MAP3K13: variants seen among roughly 807,000 people sequenced by gnomAD.
MAP3K13 encodes the protein mitogen-activated protein kinase kinase kinase 13.
In MAP3K13, 52 loss-of-function variants were observed where a neutral mutation model predicts 104.0. The observed-to-expected ratio is 0.50, with a 90% CI of 0.40 to 0.63. The LOEUF (loss-of-function observed/expected upper bound fraction) is 0.63, where lower values mean the gene tolerates loss of function less well. MAP3K13 is among the 20% of genes least tolerant of loss of function. MAP3K13 has a pLI of 0.00. For missense variants in MAP3K13, 914 were observed against 1,218.5 expected (o/e 0.75, Z 3.72); for synonymous variants, 394 against 442.2 (o/e 0.89, Z 1.37).
chr3:185,319,083 A>G (rs1721772282), intron 2 of MAP3K13, among the ~76,000 whole-genome samples: 1 of 152,210 alleles, frequency 6.6e-6, no homozygotes, highest in Non-Finnish European at 1.5e-5. Flanking sequence ...CTTTATAAAA[A>G]TGAAATCCTA....
chr3:185,406,247 A>G (rs1267730278), intron 1 of MAP3K13, among the ~76,000 whole-genome samples: 1 of 152,202 alleles, frequency 6.6e-6, no homozygotes, highest in African/African-American at 2.4e-5. Context: ...CTAGCCGGCA[A>G]TTTAGTTCCC....
chr3:185,412,062 G>A (rs1347275574), intron 1 of MAP3K13, among the ~76,000 whole-genome samples: 1 of 152,176 alleles, frequency 6.6e-6, no homozygotes, highest in African/African-American at 2.4e-5. Context: ...GGGACTACAG[G>A]TGTGAGCCAC....
intron 10 of MAP3K13, among the ~76,000 whole-genome samples, chr3:185,470,270 T>C (rs886422309): frequency 1.3e-5 from 2 of 152,216 alleles, no homozygotes; most frequent in Non-Finnish European, 2.9e-5. Context: ...AAGAAAGCAG[T>C]GGTTCTTCCT....
chr3:185,438,821 G>A lies in MAP3K13; in HGVS notation c.659+1191G>A, dbSNP rs114806386. Reference sequence around the variant, plus strand: ...TTTAGAGGAAAGAAGGTGAAGAACAGGACAAGTATCTTTAGGTAGGATGAA... The same window carrying A: ...TTTAGAGGAAAGAAGGTGAAGAACAAGACAAGTATCTTTAGGTAGGATGAA... On this transcript the variant is annotated intron_variant, in intron 3 of 13. Coordinates refer to ENST00000265026, the MANE Select transcript of MAP3K13 (RefSeq NM_004721.5). Among the ~76,000 whole-genome samples, 1,177 of 152,282 alleles carry A rather than the reference G, an allele frequency of 7.7e-3. 10 individuals are homozygous for A. The highest frequency in any genetic ancestry group is 0.014 in the Middle Eastern group (4 of 294).
At chr3:185,302,740 T>C (rs998282131) in intron 2 of MAP3K13, among the ~76,000 whole-genome samples, 16 of 152,222 alleles carry the variant, frequency 1.1e-4, no homozygotes, top group Non-Finnish European at 2.2e-4. Flanking sequence ...TTTTGTGGAA[T>C]CTTTTGGTTT....
chr3:185,299,553 C>CTTTTTT (rs1195743775), intron 2 of MAP3K13, among the ~76,000 whole-genome samples: 5 of 7,092 alleles, frequency 7.1e-4, no homozygotes, highest in Non-Finnish European at 1.8e-3. Context: ...CTCTCTCTCT[C>CTTTTTT]TTTTTTTTTT....
intron 10 of MAP3K13, among the ~76,000 whole-genome samples, chr3:185,471,306 C>CTTTCTTTTTTT (rs1553811789): frequency 1.2e-5 from 1 of 83,418 alleles, no homozygotes; most frequent in Non-Finnish European, 2.6e-5. Context: ...ATGACCTTTG[C>CTTTCTTTTTTT]TTTTTTTTTT....
intron 2 of MAP3K13, among the ~76,000 whole-genome samples, chr3:185,325,543 G>T (rs1722016067): frequency 6.6e-6 from 1 of 152,158 alleles, no homozygotes; most frequent in African/African-American, 2.4e-5. Context: ...TGCTACCTTG[G>T]CTCAGTGTCA....
chr3:185,351,435 T>G (rs1360210826), intron 2 of MAP3K13, among the ~76,000 whole-genome samples: 1 of 152,078 alleles, frequency 6.6e-6, no homozygotes, highest in Non-Finnish European at 1.5e-5. Context: ...GATTACCGAG[T>G]GAATGTTAAC....
At chr3:185,436,852 T>G (rs1420263790) in intron 2 of MAP3K13, among the ~76,000 whole-genome samples, 3 of 151,440 alleles carry the variant, frequency 2.0e-5, no homozygotes, top group Non-Finnish European at 4.4e-5. Flanking sequence ...AAAAATACAA[T>G]TAGCCAGACA....
chr3:185,395,943 T>C (rs1047773426), intron 1 of MAP3K13, among the ~76,000 whole-genome samples: 1 of 152,112 alleles, frequency 6.6e-6, no homozygotes, highest in Non-Finnish European at 1.5e-5. Flanking sequence ...TCTCCCAAAG[T>C]GTTGGGATTA....
chr3:185,291,720 C>T (rs1163182370), intron 2 of MAP3K13: 7 of 1,516,348 alleles, frequency 4.6e-6, no homozygotes, highest in African/African-American at 1.4e-5. Flanking sequence ...AGCTTCAAGT[C>T]TCATCTGCAT....
rs999661720 is a variant in MAP3K13 at position 185,484,633 on chromosome 3, G to C, written c.*2177G>C. 6.6e-6 allele frequency: 1 copy of C among 152,174 alleles called. No homozygotes were observed. Among genetic ancestry groups the C allele is most frequent in the Admixed American group, 6.5e-5 (1 of 15,274 alleles). The allele number at this position is 152,174 out of a possible 1,614,324, so 9.4% of individuals were successfully genotyped here. On this transcript the variant is annotated 3_prime_UTR_variant, in exon 14 of 14. Transcript: ENST00000265026. ...TGTTGATACATTGATTTAAAATGTA[G>C]TGTCTGTGATTTATAGCTCTTAGGA...
At chr3:185,412,369 C>A (rs544075878) in intron 1 of MAP3K13, among the ~76,000 whole-genome samples, 1 of 152,014 alleles carries the variant, frequency 6.6e-6, no homozygotes, top group Non-Finnish European at 1.5e-5. Context: ...CCTTGTCATC[C>A]TCATTTTGGA....
chr3:185,288,562 C>T (rs1307395230), intron 2 of MAP3K13, among the ~76,000 whole-genome samples: 2 of 139,142 alleles, frequency 1.4e-5, no homozygotes, highest in African/African-American at 2.7e-5. Flanking sequence ...TCCAGAAAAC[C>T]AGATAGGAAG....
Position 185,407,110 on chromosome 3 carries a change from T to G in MAP3K13, c.-85-21387T>G, listed in dbSNP as rs139534635. On this transcript the variant is annotated intron_variant, in intron 1 of 13. Transcript: ENST00000265026. The stretch of plus-strand genomic sequence containing the variant: ...ATGGGAAGGACACTCTAAGTTGATT[T>G]GCCTCAGTAAATGACGGAAATTGTA... Among the ~76,000 whole-genome samples, 113 of 152,350 alleles carry G rather than the reference T, an allele frequency of 7.4e-4. 1 individual carries two copies. Among genetic ancestry groups the G allele is most frequent in the African/African-American group, 2.5e-3 (102 of 41,590 alleles).
chr3:185,373,613 G>T (rs1290472313), intron 1 of MAP3K13, among the ~76,000 whole-genome samples: 3 of 152,202 alleles, frequency 2.0e-5, no homozygotes, highest in Non-Finnish European at 4.4e-5. Flanking sequence ...CTGCACTCCA[G>T]CCTGGGTGAC....
intron 2 of MAP3K13, among the ~76,000 whole-genome samples, chr3:185,301,356 T>C (rs924501496): frequency 6.6e-6 from 1 of 152,068 alleles, no homozygotes; most frequent in Non-Finnish European, 1.5e-5. Context: ...CTTCATTATA[T>C]TAATATATTC....
intron 2 of MAP3K13, among the ~76,000 whole-genome samples, chr3:185,317,767 G>T (rs920947073): frequency 6.6e-6 from 1 of 152,040 alleles, no homozygotes. Flanking sequence ...AGTGGGGAAG[G>T]GAAACCTTTC....
Sources: gnomAD v4.1 joint callset for allele counts (sites outside exome capture counted in the v4.1 genomes callset) on GRCh38, gnomAD v4.1.1 for gene constraint, MANE v1.5 for transcripts, NCBI Gene and HGNC (gene_info 2026-07-23, HGNC 2026-07-21) for gene names.